Variants in PLPPR1 observed in about 807,000 individuals in gnomAD.
PLPPR1 encodes phospholipid phosphatase related 1, also known as phospholipid phosphatase-related protein type 1.
In PLPPR1, 10 loss-of-function variants were observed where a neutral mutation model predicts 33.1. The ratio of observed to expected loss-of-function variants is 0.30; its 90% CI spans 0.19 to 0.51. The LOEUF (loss-of-function observed/expected upper bound fraction) is 0.51. Among genes scored for constraint, PLPPR1 ranks in the 20% least tolerant of loss-of-function variants. The pLI is 0.97. For synonymous variants in PLPPR1, 151 were observed against 151.0 expected, an observed-to-expected ratio of 1.00 and a Z score of 0.00; for missense variants, 304 against 408.1, an observed-to-expected ratio of 0.74 and a Z score of 2.20.
chr9:101,093,049 T>C (rs1019068614), intron 1 of PLPPR1, among the ~76,000 whole-genome samples: 1 of 152,212 alleles, frequency 6.6e-6, no homozygotes, highest in Non-Finnish European at 1.5e-5. Flanking sequence ...TTTAAGCTAC[T>C]GCTACCGAGC....
chr9:101,205,023 A>T (rs1016303116), intron 2 of PLPPR1, among the ~76,000 whole-genome samples: 2 of 152,158 alleles, frequency 1.3e-5, no homozygotes, highest in African/African-American at 4.8e-5. Context: ...TAAGGTACTC[A>T]TGTCTCAAAG....
intron 1 of PLPPR1, among the ~76,000 whole-genome samples, chr9:101,128,261 A>C (rs1179751971): frequency 2.0e-5 from 3 of 152,232 alleles, no homozygotes; most frequent in Admixed American, 2.0e-4. Context: ...AGAGAAATTC[A>C]AAGGAAGAAA....
At chr9:101,253,218 C>A (rs1346806411) in intron 2 of PLPPR1, among the ~76,000 whole-genome samples, 1 of 151,838 alleles carries the variant, frequency 6.6e-6, no homozygotes, top group East Asian at 1.9e-4. Context: ...CAACAGCAAT[C>A]AGGTGTCTTT....
intron 2 of PLPPR1, among the ~76,000 whole-genome samples, chr9:101,196,989 A>G (rs1213694814): frequency 6.6e-6 from 1 of 152,228 alleles, no homozygotes; most frequent in African/African-American, 2.4e-5. Context: ...AGGCTTCGCC[A>G]GTACATGAAT....
chr9:101,227,616 A>C (rs569569646), intron 2 of PLPPR1, among the ~76,000 whole-genome samples: 1 of 152,108 alleles, frequency 6.6e-6, no homozygotes, highest in Admixed American at 6.6e-5. Flanking sequence ...CCTTCAAAAG[A>C]GTTTCCAAGT....
At chr9:101,196,205 A>C (rs937465551) in intron 2 of PLPPR1, among the ~76,000 whole-genome samples, 1 of 152,072 alleles carries the variant, frequency 6.6e-6, no homozygotes, top group Admixed American at 6.5e-5. Context: ...TTCTAAGCTA[A>C]TGCAGTGCTA....
At chr9:101,053,536 G>T (rs1278151040) in intron 1 of PLPPR1, among the ~76,000 whole-genome samples, 1 of 152,136 alleles carries the variant, frequency 6.6e-6, no homozygotes, top group Non-Finnish European at 1.5e-5. Context: ...GTCCTTCAGG[G>T]ATTATGTTCA....
intron 1 of PLPPR1, among the ~76,000 whole-genome samples, chr9:101,091,219 C>A (rs902057651): frequency 1.3e-5 from 2 of 152,066 alleles, no homozygotes; most frequent in Non-Finnish European, 2.9e-5. Context: ...CATATAGTTG[C>A]CCAGGACAGA....
chr9:101,215,611 A>G (rs1826778075), intron 2 of PLPPR1, among the ~76,000 whole-genome samples: 1 of 152,008 alleles, frequency 6.6e-6, no homozygotes, highest in African/African-American at 2.4e-5. Flanking sequence ...TACTCATTTA[A>G]TCATCCTCAC....
intron 3 of PLPPR1, 65 bp from the exon 4 acceptor site, chr9:101,286,039 A>G: frequency 7.3e-7 from 1 of 1,372,334 alleles, no homozygotes; most frequent in East Asian, 2.3e-5. Context: ...TTTGTTTTTA[A>G]AGCCATGGGC....
intron 1 of PLPPR1, among the ~76,000 whole-genome samples, chr9:101,148,076 G>A (rs1831542038): frequency 6.6e-6 from 1 of 152,072 alleles, no homozygotes; most frequent in Non-Finnish European, 1.5e-5. Context: ...CCAAGTGGAC[G>A]GAATGGAGTT....
chr9:101,244,625 GT>G (rs1260655757), intron 2 of PLPPR1, among the ~76,000 whole-genome samples: 1 of 151,848 alleles, frequency 6.6e-6, no homozygotes, highest in East Asian at 1.9e-4. Flanking sequence ...GACTAAGATA[GT>G]AGGTTATTTG....
Position 101,230,655 on chromosome 9 carries a change from C to T in PLPPR1, c.64-39225C>T, listed in dbSNP as rs752165953. On this transcript the variant is annotated intron_variant, in intron 2 of 7. Coordinates refer to ENST00000374874, the MANE Select transcript of PLPPR1 (RefSeq NM_207299.2). ...TTAGGAGGTCCACCTAAGTCTCTAA[C>T]CCAGGCTTTAGAAGTAATGAGGGAC... Among the ~76,000 whole-genome samples the T allele has an allele frequency of 3.5e-4, 53 of 152,134 alleles. No homozygotes were observed. In the Middle Eastern group the frequency reaches 0.01, roughly 29 times the overall value.
intron 1 of PLPPR1, among the ~76,000 whole-genome samples, chr9:101,078,400 G>A (rs553535531): frequency 7.9e-5 from 12 of 152,166 alleles, no homozygotes; most frequent in Non-Finnish European, 1.8e-4. Context: ...TCTGTGTGAA[G>A]TAAAATACAA....
intron 1 of PLPPR1, among the ~76,000 whole-genome samples, chr9:101,136,619 C>A (rs552139678): frequency 6.6e-6 from 1 of 152,130 alleles, no homozygotes; most frequent in Non-Finnish European, 1.5e-5. Flanking sequence ...TATGTTTATT[C>A]ATGAATTGTA....
intron 2 of PLPPR1, among the ~76,000 whole-genome samples, chr9:101,195,530 C>A (rs1826378802): frequency 2.6e-5 from 4 of 151,878 alleles, no homozygotes; most frequent in Non-Finnish European, 4.4e-5. Flanking sequence ...CAAGCAGAGA[C>A]CAGTTTGCCA....
At chr9:101,167,141 G>GGGGTGGGTGTGTGTGTGTGTGT (rs1297322438) in intron 1 of PLPPR1, among the ~76,000 whole-genome samples, 1 of 39,648 alleles carries the variant, frequency 2.5e-5, no homozygotes. Flanking sequence ...TATGTCTCTC[G>GGGGTGGGTGTGTGTGTGTGTGT]GTGTGTGTGT....
At chr9:101,145,390 T>C (rs1430938278) in intron 1 of PLPPR1, among the ~76,000 whole-genome samples, 2 of 151,632 alleles carry the variant, frequency 1.3e-5, no homozygotes, top group Non-Finnish European at 2.9e-5. Context: ...ATCTATACAA[T>C]TTTTTTTTGA....
At chr9:101,174,893 C>A (rs932692200) in intron 1 of PLPPR1, among the ~76,000 whole-genome samples, 1 of 151,994 alleles carries the variant, frequency 6.6e-6, no homozygotes, top group African/African-American at 2.4e-5. Flanking sequence ...TTGATTTTTT[C>A]TTTGCTTTAA....
Sources: gnomAD v4.1 joint callset for allele counts (sites outside exome capture counted in the v4.1 genomes callset) on GRCh38, gnomAD v4.1.1 for gene constraint, MANE v1.5 for transcripts, NCBI Gene and HGNC (gene_info 2026-07-23, HGNC 2026-07-21) for gene names.